Variants in RTL4 observed in about 807,000 individuals in gnomAD.
RTL4 encodes retrotransposon Gag like 4.
A neutral mutation model predicts 5.3 loss-of-function variants in RTL4; 4 were observed. That is an observed-to-expected ratio of 0.75 (90% CI 0.37 to 1.72). RTL4 has a LOEUF of 1.72. Among genes scored for constraint, RTL4 ranks in the 40% most tolerant of loss-of-function variants. The probability of loss-of-function intolerance (pLI) is 0.04; values close to 1 mark genes in which losing one functional copy is unlikely to be tolerated. For missense variants in RTL4, 260 were observed against 227.1 expected (o/e 1.14, Z -0.93); for synonymous variants, 98 against 87.3 (o/e 1.12, Z -0.68).
At chrX:112,318,269 C>T in the RTL4 span, among the ~76,000 whole-genome samples, 1 of 111,673 alleles carries the variant, frequency 9.0e-6, no homozygotes, top group Non-Finnish European at 1.9e-5. Context: ...CTAAATGTCA[C>T]CTCATTAGAG....
the RTL4 span, among the ~76,000 whole-genome samples, chrX:112,188,537 C>T: frequency 1.8e-5 from 2 of 111,611 alleles, no homozygotes; most frequent in Non-Finnish European, 3.8e-5. Flanking sequence ...GAGTTGCCCT[C>T]TACAATTTCC....
chrX:112,116,565 C>T, the RTL4 span, among the ~76,000 whole-genome samples: 1 of 111,716 alleles, frequency 9.0e-6, no homozygotes, highest in Non-Finnish European at 1.9e-5. Flanking sequence ...TTTTACAAAC[C>T]TCTAGCTAGC....
chrX:112,113,737 G>A, the RTL4 span, among the ~76,000 whole-genome samples: 1 of 111,744 alleles, frequency 8.9e-6, no homozygotes, highest in Non-Finnish European at 1.9e-5. Flanking sequence ...AAGGGCAAGG[G>A]GGCAGCTTGT....
chrX:112,285,053 A>C, the RTL4 span, among the ~76,000 whole-genome samples: 1 of 112,063 alleles, frequency 8.9e-6, no homozygotes, highest in South Asian at 3.6e-4. Flanking sequence ...TCCTCTAAAA[A>C]CAATGGCCCA....
the RTL4 span, among the ~76,000 whole-genome samples, chrX:112,256,238 C>T: frequency 0.015 from 1,699 of 111,828 alleles, 33 homozygotes; most frequent in African/African-American, 0.052. Context: ...TATGAAATGG[C>T]ATAACAATGA....
chrX:112,338,403 G>A, the RTL4 span, among the ~76,000 whole-genome samples: 29 of 111,833 alleles, frequency 2.6e-4, no homozygotes, highest in Admixed American at 2.1e-3. Context: ...GCACAGTCTC[G>A]TGCACTCTAA....
chrX:112,116,964 G>A, the RTL4 span, among the ~76,000 whole-genome samples: 2 of 111,812 alleles, frequency 1.8e-5, no homozygotes, highest in African/African-American at 6.5e-5. Context: ...CATACAAGGA[G>A]TTCTGGTTAT....
chrX:112,281,274 T>C, the RTL4 span, among the ~76,000 whole-genome samples: 5 of 111,794 alleles, frequency 4.5e-5, no homozygotes, highest in South Asian at 3.8e-4. Flanking sequence ...TTTTACTTAA[T>C]GTAACATCCT....
chrX:112,148,376 C>G, the RTL4 span, among the ~76,000 whole-genome samples: 1 of 109,197 alleles, frequency 9.2e-6, no homozygotes, highest in African/African-American at 3.4e-5. Context: ...TCCAGCTATG[C>G]TAATGGAATG....
chrX:112,229,716 G>A, the RTL4 span, among the ~76,000 whole-genome samples: 2 of 112,087 alleles, frequency 1.8e-5, no homozygotes, highest in Non-Finnish European at 3.8e-5. Flanking sequence ...TGGTGTGGAT[G>A]TCCTTTCTGT....
chrX:112,314,739 T>G, the RTL4 span, among the ~76,000 whole-genome samples: 2 of 110,915 alleles, frequency 1.8e-5, no homozygotes, highest in South Asian at 3.8e-4. Flanking sequence ...CATAAAGCAT[T>G]AATCACAAGG....
At chrX:112,222,725 C>A in the RTL4 span, among the ~76,000 whole-genome samples, 2 of 110,325 alleles carry the variant, frequency 1.8e-5, no homozygotes, top group Non-Finnish European at 3.8e-5. Context: ...AGAGCAAGAC[C>A]GTGACTTAAG....
the RTL4 span, among the ~76,000 whole-genome samples, chrX:112,211,650 T>A: frequency 1.8e-5 from 2 of 112,025 alleles, no homozygotes; most frequent in Non-Finnish European, 3.8e-5. Flanking sequence ...CCACAATGAC[T>A]CAACAGTGTA....
At chrX:112,248,718 C>G in the RTL4 span, among the ~76,000 whole-genome samples, 2 of 111,450 alleles carry the variant, frequency 1.8e-5, no homozygotes, top group East Asian at 5.6e-4. Flanking sequence ...AATAACTGTC[C>G]CATGGTGGTT....
chrX:112,257,009 G>A, the RTL4 span, among the ~76,000 whole-genome samples: 1 of 111,161 alleles, frequency 9.0e-6, no homozygotes, highest in East Asian at 2.8e-4. Context: ...GTTTAATTGT[G>A]TTGGTCAGAT....
At chrX:112,306,393 A>G in the RTL4 span, among the ~76,000 whole-genome samples, 2 of 111,565 alleles carry the variant, frequency 1.8e-5, no homozygotes, top group East Asian at 5.7e-4. Context: ...CAGGAGAAGA[A>G]TTTACCATGT....
chrX:112,452,786 C>A (rs1204636502), upstream of RTL4, among the ~76,000 whole-genome samples: 1 of 111,722 alleles, frequency 9.0e-6, no homozygotes, highest in Non-Finnish European at 1.9e-5. Context: ...AATCCCAGCA[C>A]TTCGGGAGAC....
chrX:112,355,364 T>G, the RTL4 span, among the ~76,000 whole-genome samples: 2 of 111,021 alleles, frequency 1.8e-5, no homozygotes, highest in Non-Finnish European at 3.8e-5. Flanking sequence ...GAAGGACTAG[T>G]AAGGAAGGAA....
the RTL4 span, among the ~76,000 whole-genome samples, chrX:112,447,053 T>C: frequency 9.0e-6 from 1 of 111,710 alleles, no homozygotes; most frequent in Non-Finnish European, 1.9e-5. Flanking sequence ...ATTTAAATAT[T>C]TCCATATTGA....
Sources: gnomAD v4.1 joint callset for allele counts (sites outside exome capture counted in the v4.1 genomes callset) on GRCh38, gnomAD v4.1.1 for gene constraint, MANE v1.5 for transcripts, NCBI Gene and HGNC (gene_info 2026-07-23, HGNC 2026-07-21) for gene names.